ARHGAP6: variants seen among roughly 807,000 people sequenced by gnomAD.
ARHGAP6 encodes the protein Rho GTPase activating protein 6, also known as rho GTPase-activating protein 6.
A neutral mutation model predicts 55.7 loss-of-function variants in ARHGAP6; 16 were observed. That is an observed-to-expected ratio of 0.29 (90% CI 0.19 to 0.44). The LOEUF (loss-of-function observed/expected upper bound fraction) is 0.44. Among genes scored for constraint, ARHGAP6 ranks in the 20% least tolerant of loss-of-function variants. The pLI is 1.00. For synonymous variants in ARHGAP6, 382 were observed against 360.9 expected (o/e 1.06, Z -0.66); for missense variants, 698 against 808.9 (o/e 0.86, Z 1.66).
intron 1 of ARHGAP6, among the ~76,000 whole-genome samples, chrX:11,346,893 G>T (rs1482794342): frequency 9.1e-6 from 1 of 110,148 alleles, no homozygotes; most frequent in Non-Finnish European, 1.9e-5. Context: ...CAATTATAAA[G>T]ACCCAAATAT....
Position 11,281,501 on chromosome X carries a change from C to T in ARHGAP6, c.589-26794G>A, listed in dbSNP as rs184139739. Among the ~76,000 whole-genome samples, 329 of 110,472 alleles carry T rather than the reference C, an allele frequency of 3.0e-3. 1 individual carries two copies. Among genetic ancestry groups the T allele is most frequent in the Non-Finnish European group, 5.3e-3 (279 of 52,821 alleles). On this transcript the variant is annotated intron_variant, in intron 1 of 12. Transcript: ENST00000337414. ...AAAGAAACATAAAAAACCTAAGTGT[C>T]CATCAGTGAGCAACTGGCTAACTAA...
intron 1 of ARHGAP6, among the ~76,000 whole-genome samples, chrX:11,511,343 T>G (rs914928348): frequency 8.9e-6 from 1 of 112,201 alleles, no homozygotes; most frequent in Non-Finnish European, 1.9e-5. Flanking sequence ...GAAATGGCAC[T>G]TGCCTCCTTA....
At chrX:11,561,238 A>G (rs1180178505) in intron 1 of ARHGAP6, among the ~76,000 whole-genome samples, 3 of 112,184 alleles carry the variant, frequency 2.7e-5, no homozygotes, top group Non-Finnish European at 3.8e-5. Flanking sequence ...CTATTTTATA[A>G]TTAATCTCCA....
chrX:11,310,848 A>C (rs558911437), intron 1 of ARHGAP6, among the ~76,000 whole-genome samples: 1 of 110,173 alleles, frequency 9.1e-6, no homozygotes, highest in Non-Finnish European at 1.9e-5. Flanking sequence ...CTCCTCCCCA[A>C]CTCCTTCATT....
At chrX:11,210,395 C>CT (rs1267301583) in intron 2 of ARHGAP6, among the ~76,000 whole-genome samples, 2 of 112,184 alleles carry the variant, frequency 1.8e-5, no homozygotes, top group African/African-American at 3.2e-5. Context: ...AGGAGTCTGA[C>CT]TTTTTTTTCT....
intron 1 of ARHGAP6, among the ~76,000 whole-genome samples, chrX:11,273,680 C>T (rs2047718906): frequency 9.1e-6 from 1 of 109,707 alleles, no homozygotes. Context: ...TCAGAAACTA[C>T]AAAATTACAA....
intron 11 of ARHGAP6, 163 bp downstream of exon 11, chrX:11,143,817 A>C (rs996614958): frequency 5.2e-6 from 6 of 1,163,553 alleles, no homozygotes; most frequent in Non-Finnish European, 6.9e-6. Flanking sequence ...TCCTCTTCCT[A>C]GAGTAGGCGT....
chrX:11,251,888 A>C (rs981716965), intron 2 of ARHGAP6, among the ~76,000 whole-genome samples: 4 of 111,871 alleles, frequency 3.6e-5, no homozygotes, highest in Non-Finnish European at 5.6e-5. Context: ...TAGCTTCAGA[A>C]ACCCTCATGC....
At chrX:11,380,476 T>C (rs1382359581) in intron 1 of ARHGAP6, among the ~76,000 whole-genome samples, 2 of 111,788 alleles carry the variant, frequency 1.8e-5, no homozygotes, top group Non-Finnish European at 3.8e-5. Flanking sequence ...AACCATACGA[T>C]TGTGTCTAGC....
intron 1 of ARHGAP6, among the ~76,000 whole-genome samples, chrX:11,510,932 G>A (rs761619769): frequency 7.2e-5 from 8 of 111,868 alleles, no homozygotes; most frequent in Non-Finnish European, 9.4e-5. Flanking sequence ...TACAAGCAGA[G>A]TTGAGTAGTT....
At chrX:11,296,896 T>A in intron 1 of ARHGAP6, 1 of 1,114,361 alleles carries the variant, frequency 9.0e-7, no homozygotes, top group Non-Finnish European at 1.2e-6. Context: ...TAAAGAATAG[T>A]GTGTTGATTC....
rs778678184 is a variant in ARHGAP6 at position 11,548,775 on chromosome X, AT to A, written c.588+115465del. 7.8e-4 allele frequency among the ~76,000 whole-genome samples: 86 copies of A among 110,040 alleles called. No individual in the cohort carries two copies. In the East Asian group the frequency reaches 0.022, roughly 29 times the overall value. On this transcript the variant is annotated intron_variant, in intron 1 of 12. Coordinates refer to ENST00000337414, the MANE Select transcript of ARHGAP6 (RefSeq NM_013427.3). ...AGGCATGCACCACCACACCCAGCTA[AT>A]TTTTGTATTTTTAGTGGAGACGGGG...
intron 1 of ARHGAP6, among the ~76,000 whole-genome samples, chrX:11,659,808 C>A (rs1185840677): frequency 2.7e-5 from 3 of 112,028 alleles, no homozygotes; most frequent in Non-Finnish European, 1.9e-5. Flanking sequence ...TCAGAAGGAA[C>A]ACAGTCAGGC....
intron 1 of ARHGAP6, among the ~76,000 whole-genome samples, chrX:11,508,852 TACACAC>T (rs199575300): frequency 2.7e-4 from 28 of 101,989 alleles, no homozygotes; most frequent in Non-Finnish European, 4.8e-4. Flanking sequence ...CAACTCATAC[TACACAC>T]ACACACACAC....
chrX:11,357,474 T>A (rs1213712884), intron 1 of ARHGAP6, among the ~76,000 whole-genome samples: 2 of 111,267 alleles, frequency 1.8e-5, no homozygotes, highest in Admixed American at 1.9e-4. Context: ...AGGGATGGGG[T>A]TAGGGAAACT....
At chrX:11,592,537 A>G (rs1475804365) in intron 1 of ARHGAP6, among the ~76,000 whole-genome samples, 2 of 111,497 alleles carry the variant, frequency 1.8e-5, no homozygotes, top group African/African-American at 6.5e-5. Context: ...AAAATAGGAA[A>G]AAAGTATATT....
At chrX:11,567,888 C>T (rs767031726) in intron 1 of ARHGAP6, among the ~76,000 whole-genome samples, 1 of 110,572 alleles carries the variant, frequency 9.0e-6, no homozygotes, top group African/African-American at 3.3e-5. Flanking sequence ...ATGTTGCCCA[C>T]GCTGGTCTCG....
At chrX:11,141,539 T>C (rs1479083463) in intron 12 of ARHGAP6, among the ~76,000 whole-genome samples, 1 of 112,366 alleles carries the variant, frequency 8.9e-6, no homozygotes, top group African/African-American at 3.2e-5. Context: ...AAAATACTGG[T>C]AGGAAAGAAA....
chrX:11,495,802 G>T (rs2050616748), intron 1 of ARHGAP6, among the ~76,000 whole-genome samples: 1 of 112,645 alleles, frequency 8.9e-6, no homozygotes, highest in Non-Finnish European at 1.9e-5. Context: ...TGGCAAAGGT[G>T]ATGGGACGTC....
Sources: gnomAD v4.1 joint callset for allele counts (sites outside exome capture counted in the v4.1 genomes callset) on GRCh38, gnomAD v4.1.1 for gene constraint, MANE v1.5 for transcripts, NCBI Gene and HGNC (gene_info 2026-07-23, HGNC 2026-07-21) for gene names.